LEKR1: variants seen among roughly 807,000 people sequenced by gnomAD.
LEKR1 encodes the protein leucine, glutamate and lysine rich 1.
In LEKR1, 59 loss-of-function variants were observed where a neutral mutation model predicts 72.4. That is an observed-to-expected ratio of 0.82 (90% CI 0.66 to 1.01). The LOEUF is 1.01. Among genes scored for constraint, LEKR1 ranks in the 50% least tolerant of loss-of-function variants. The pLI is 0.00. For missense variants in LEKR1, 728 were observed against 759.2 expected, an observed-to-expected ratio of 0.96 and a Z score of 0.48; for synonymous variants, 257 against 263.2, an observed-to-expected ratio of 0.98 and a Z score of 0.23.
At chr3:156,908,777 A>AT (rs11425846) in intron 3 of LEKR1, among the ~76,000 whole-genome samples, 64,682 of 151,746 alleles carry the variant, frequency 0.43, 16,003 homozygotes, top group East Asian at 0.73. Context: ...CTGAGCTTTC[A>AT]TTTTTTTTGT....
At chr3:156,994,707 T>C (rs1434218385) in intron 9 of LEKR1, among the ~76,000 whole-genome samples, 2 of 152,248 alleles carry the variant, frequency 1.3e-5, no homozygotes, top group Non-Finnish European at 2.9e-5. Flanking sequence ...AAATCAGTTA[T>C]GTATTCTATA....
chr3:156,919,194 C>G (rs1047586672), intron 3 of LEKR1, among the ~76,000 whole-genome samples: 3 of 152,196 alleles, frequency 2.0e-5, no homozygotes, highest in Non-Finnish European at 4.4e-5. Flanking sequence ...GAGATGTCCC[C>G]AGATGCTCCA....
chr3:156,941,782 A>G (rs1316416001), intron 5 of LEKR1, among the ~76,000 whole-genome samples: 1 of 152,102 alleles, frequency 6.6e-6, no homozygotes, highest in African/African-American at 2.4e-5. Context: ...ATGATAGTTT[A>G]AGGCAATAGT....
chr3:157,040,832 C>G (rs1204943267), intron 12 of LEKR1, among the ~76,000 whole-genome samples: 1 of 152,140 alleles, frequency 6.6e-6, no homozygotes. Flanking sequence ...CATGTTCCCC[C>G]CAAAATTGTG....
At chr3:157,045,203 G>A (rs1577037987) in intron 12 of LEKR1, 137 bp from the exon 13 acceptor site, 2 of 654,206 alleles carry the variant, frequency 3.1e-6, no homozygotes, top group Admixed American at 2.9e-5. Context: ...TCTGTCCCAT[G>A]AGGTAGAGTG....
At chr3:156,968,915 T>C (rs1048776859) in intron 6 of LEKR1, among the ~76,000 whole-genome samples, 14 of 152,270 alleles carry the variant, frequency 9.2e-5, no homozygotes, top group African/African-American at 3.1e-4. Context: ...ACAGAAATTA[T>C]AACAAACTGC....
At chr3:156,996,620 G>A (rs910856975) in intron 9 of LEKR1, among the ~76,000 whole-genome samples, 3 of 152,172 alleles carry the variant, frequency 2.0e-5, no homozygotes, top group Non-Finnish European at 4.4e-5. Context: ...TTTTGATAAA[G>A]GATTTTATAG....
At chr3:156,986,055 T>C (rs1284870135) in intron 7 of LEKR1, among the ~76,000 whole-genome samples, 1 of 152,016 alleles carries the variant, frequency 6.6e-6, no homozygotes, top group Non-Finnish European at 1.5e-5. Context: ...CTCTAGAAGC[T>C]AGAACAGGTA....
intron 3 of LEKR1, among the ~76,000 whole-genome samples, chr3:156,862,977 G>A (rs16826869): frequency 0.066 from 10,085 of 152,104 alleles, 406 homozygotes; most frequent in African/African-American, 0.11. Flanking sequence ...GGAGGGAGAC[G>A]TTGGACAAAA....
chr3:157,034,529 TA>T (rs908884117), intron 12 of LEKR1, among the ~76,000 whole-genome samples: 18 of 152,184 alleles, frequency 1.2e-4, no homozygotes, highest in African/African-American at 4.3e-4. Context: ...CTTGAACATA[TA>T]AAAAGTTACT....
intron 10 of LEKR1, 23 bp from the exon 11 acceptor site, chr3:157,024,737 T>C (rs1192087835): frequency 4.4e-6 from 7 of 1,576,682 alleles, no homozygotes; most frequent in Non-Finnish European, 6.0e-6. Context: ...TAGTTTTACA[T>C]GTGCTTTAAA....
At chr3:156,985,152 C>T (rs1158628275) in intron 7 of LEKR1, among the ~76,000 whole-genome samples, 2 of 152,106 alleles carry the variant, frequency 1.3e-5, no homozygotes, top group Non-Finnish European at 2.9e-5. Context: ...TGTGTGCAGG[C>T]ACTAGATATT....
chr3:156,917,712 A>G (rs1228484522), intron 3 of LEKR1, among the ~76,000 whole-genome samples: 1 of 152,168 alleles, frequency 6.6e-6, no homozygotes, highest in Non-Finnish European at 1.5e-5. Flanking sequence ...TCTCAAATTT[A>G]CTGCCAATGC....
At position 156,936,495 on chromosome 3, in the gene LEKR1, C is replaced by T. The variant is rs145345754; in HGVS notation, c.560-6034C>T. The stretch of plus-strand genomic sequence containing the variant: ...CCGTATGCCTAGCAGAATAAGGAAG[C>T]AAGATATGTTAGCTATAACTATTCT... On this transcript the variant is annotated intron_variant, in intron 5 of 12. Transcript: ENST00000356539. 5.4e-4 allele frequency among the ~76,000 whole-genome samples: 80 copies of T among 149,394 alleles called. 1 individual carries two copies. In the East Asian group the frequency reaches 0.015, roughly 29 times the overall value.
chr3:156,829,407 C>T, intron 2 of LEKR1, 30 bp downstream of exon 2: 1 of 1,461,668 alleles, frequency 6.8e-7, no homozygotes, highest in South Asian at 1.3e-5. Context: ...TACAGCCTAA[C>T]AGTGGGAACA....
intron 12 of LEKR1, among the ~76,000 whole-genome samples, chr3:157,039,545 G>T (rs183856265): frequency 6.6e-6 from 1 of 152,146 alleles, no homozygotes; most frequent in African/African-American, 2.4e-5. Flanking sequence ...CTTGAGCCTC[G>T]GGGGTTGAGG....
At chr3:156,886,005 G>T (rs1319430599) in intron 3 of LEKR1, among the ~76,000 whole-genome samples, 2 of 152,202 alleles carry the variant, frequency 1.3e-5, no homozygotes, top group Non-Finnish European at 2.9e-5. Context: ...GGTTATGGGT[G>T]GAGCCACATA....
intron 9 of LEKR1, among the ~76,000 whole-genome samples, chr3:157,006,851 T>C (rs1732476232): frequency 7.3e-6 from 1 of 136,788 alleles, no homozygotes; most frequent in Non-Finnish European, 1.6e-5. Context: ...CAGACGAATC[T>C]ATAGTGACAG....
chr3:157,036,066 G>T (rs1024192161), intron 12 of LEKR1, among the ~76,000 whole-genome samples: 3 of 152,012 alleles, frequency 2.0e-5, no homozygotes, highest in African/African-American at 4.8e-5. Context: ...TTTTAAACAC[G>T]AACAGCCAAG....
Sources: gnomAD v4.1 joint callset for allele counts (sites outside exome capture counted in the v4.1 genomes callset) on GRCh38, gnomAD v4.1.1 for gene constraint, MANE v1.5 for transcripts, NCBI Gene and HGNC (gene_info 2026-07-23, HGNC 2026-07-21) for gene names.